Variants in UNC80 observed in about 807,000 individuals in gnomAD.
UNC80 encodes unc-80 subunit of NALCN channel complex, also known as protein unc-80 homolog.
Under a neutral mutation model 384.6 loss-of-function variants are expected in UNC80, and 164 were observed. The observed-to-expected ratio is 0.43, with a 90% CI of 0.38 to 0.49. The LOEUF (loss-of-function observed/expected upper bound fraction) is 0.49. Among genes scored for constraint, UNC80 ranks in the 20% least tolerant of loss-of-function variants. The pLI is 0.00. For synonymous variants in UNC80, 1,486 were observed against 1,527.8 expected (o/e 0.97, Z 0.64); for missense variants, 3,330 against 4,143.0 (o/e 0.80, Z 5.39).
intron 13 of UNC80, among the ~76,000 whole-genome samples, chr2:209,825,639 A>T (rs1466991460): frequency 6.6e-6 from 1 of 152,138 alleles, no homozygotes; most frequent in African/African-American, 2.4e-5. Context: ...AAGGATATAA[A>T]AGCATGTCTT....
intron 56 of UNC80, among the ~76,000 whole-genome samples, chr2:209,974,089 G>T (rs1481822005): frequency 6.6e-6 from 1 of 152,128 alleles, no homozygotes; most frequent in Admixed American, 6.5e-5. Flanking sequence ...ACTGGCAGTG[G>T]GGAATTTCAA....
chr2:209,876,177 C>G (rs1222160367), intron 23 of UNC80, among the ~76,000 whole-genome samples: 1 of 152,156 alleles, frequency 6.6e-6, no homozygotes, highest in Non-Finnish European at 1.5e-5. Context: ...CAGACATAGA[C>G]AGTCAGACAT....
At chr2:209,874,365 C>A in intron 23 of UNC80, among the ~76,000 whole-genome samples, 1 of 152,188 alleles carries the variant, frequency 6.6e-6, no homozygotes, top group East Asian at 1.9e-4. Flanking sequence ...AAACAACAGT[C>A]ACAATTGATA....
intron 44 of UNC80, among the ~76,000 whole-genome samples, chr2:209,942,048 C>A (rs578089362): frequency 6.6e-6 from 1 of 152,276 alleles, no homozygotes; most frequent in Admixed American, 6.5e-5. Context: ...TGCCCTAGAA[C>A]AGGAATCCTC....
intron 28 of UNC80, among the ~76,000 whole-genome samples, chr2:209,898,035 G>T (rs1490637682): frequency 6.6e-6 from 1 of 152,014 alleles, no homozygotes; most frequent in African/African-American, 2.4e-5. Context: ...ATTCTGTTAA[G>T]ATCATTTTAA....
chr2:209,791,876 T>G (rs568214490), intron 6 of UNC80, among the ~76,000 whole-genome samples: 11 of 137,864 alleles, frequency 8.0e-5, no homozygotes, highest in Non-Finnish European at 1.7e-4. Flanking sequence ...CCCCCTAAAC[T>G]CTTGTCTTAT....
At chr2:209,933,746 A>C (rs1304281156) in intron 38 of UNC80, 76 bp from the exon 39 acceptor site, 1 of 1,356,320 alleles carries the variant, frequency 7.4e-7, no homozygotes, top group East Asian at 2.6e-5. Context: ...AGTTTAAAAC[A>C]AGAAAAGCTA....
At chr2:209,864,744 A>G (rs942722679) in intron 22 of UNC80, among the ~76,000 whole-genome samples, 1 of 152,200 alleles carries the variant, frequency 6.6e-6, no homozygotes, top group Non-Finnish European at 1.5e-5. Context: ...CTTGGGCTAT[A>G]GAGATGGGTG....
chr2:209,865,079 G>A (rs1205028584), intron 22 of UNC80, among the ~76,000 whole-genome samples: 1 of 152,140 alleles, frequency 6.6e-6, no homozygotes, highest in Non-Finnish European at 1.5e-5. Context: ...CCTTGGCTTG[G>A]GGGAGGACAC....
chr2:209,910,574 T>G (rs2088803933), intron 29 of UNC80, among the ~76,000 whole-genome samples: 1 of 151,644 alleles, frequency 6.6e-6, no homozygotes, highest in Admixed American at 6.6e-5. Context: ...GGTAGGATAT[T>G]AAATATTTGA....
chr2:209,992,491 A>G (rs919378267), intron 62 of UNC80, among the ~76,000 whole-genome samples: 1 of 152,114 alleles, frequency 6.6e-6, no homozygotes, highest in Admixed American at 6.5e-5. Flanking sequence ...TTTAAAGTTT[A>G]TATTTTGCAT....
At chr2:209,908,904 C>T (rs1202356113) in intron 29 of UNC80, among the ~76,000 whole-genome samples, 1 of 152,162 alleles carries the variant, frequency 6.6e-6, no homozygotes, top group Non-Finnish European at 1.5e-5. Context: ...TAAACTTCTT[C>T]CCAGAAACGA....
At chr2:209,907,169 T>C (rs1426422153) in intron 29 of UNC80, among the ~76,000 whole-genome samples, 1 of 151,998 alleles carries the variant, frequency 6.6e-6, no homozygotes. Context: ...TCATGTTTTC[T>C]CATTCTTCTT....
intron 17 of UNC80, among the ~76,000 whole-genome samples, chr2:209,834,610 T>C (rs142208267): frequency 0.013 from 1,920 of 152,308 alleles, 45 homozygotes; most frequent in African/African-American, 0.042. Flanking sequence ...TAAACATATA[T>C]TTATTTTATG....
chr2:209,848,993 T>C (rs1182895907), intron 21 of UNC80, among the ~76,000 whole-genome samples: 2 of 152,124 alleles, frequency 1.3e-5, no homozygotes, highest in Non-Finnish European at 2.9e-5. Flanking sequence ...TTCACCACAG[T>C]GCTGTACCAA....
chr2:209,945,212 C>T lies in UNC80; in HGVS notation c.7189+23C>T, dbSNP rs897367211. ...TAGGTAAAAGCAAAACTTGCTTTGA[C>T]ATTCTTTTTCTCACTGCAGTTGTTA... On this transcript the variant is annotated intron_variant, in intron 46 of 64. Transcript: ENST00000673920. The T allele has an allele frequency of 6.5e-6, 10 of 1,544,386 alleles. No individual in the cohort carries two copies. In the African/African-American group the frequency reaches 1.4e-4, roughly 21 times the overall value.
chr2:209,828,233 C>A (rs1282718489), intron 14 of UNC80, among the ~76,000 whole-genome samples: 4 of 152,120 alleles, frequency 2.6e-5, no homozygotes, highest in Non-Finnish European at 4.4e-5. Context: ...CAATTAAATA[C>A]TTCTTTATGC....
intron 47 of UNC80, chr2:209,951,451 C>A (rs989191498): frequency 6.6e-6 from 1 of 152,108 alleles, no homozygotes; most frequent in Non-Finnish European, 1.5e-5. Flanking sequence ...GCATGCACCA[C>A]CACACCCAGC....
At chr2:209,942,360 T>A (rs926938401) in intron 44 of UNC80, among the ~76,000 whole-genome samples, 1 of 152,234 alleles carries the variant, frequency 6.6e-6, no homozygotes, top group Non-Finnish European at 1.5e-5. Flanking sequence ...GTATGGCAAG[T>A]GTTTAGCTGA....
Sources: allele counts gnomAD v4.1 joint callset (sites outside exome capture counted in the v4.1 genomes callset), GRCh38; gene constraint gnomAD v4.1.1; transcripts MANE v1.5; gene names NCBI Gene and HGNC (gene_info 2026-07-23, HGNC 2026-07-21).